Variants in COBL observed in about 807,000 individuals in gnomAD.
The protein encoded by COBL is cordon-bleu WH2 repeat protein, also known as protein cordon-bleu.
COBL carries 51 observed loss-of-function variants against 98.8 expected under a neutral mutation model. That is an observed-to-expected ratio of 0.52 (90% CI 0.41 to 0.65). The LOEUF is 0.65. Ranked by LOEUF, COBL falls within the 30% of genes least tolerant of loss-of-function variation. COBL has a pLI of 0.00. For missense variants in COBL, 1,617 were observed against 1,617.5 expected (o/e 1.00, Z 0.01); for synonymous variants, 634 against 651.7 (o/e 0.97, Z 0.41).
intron 1 of COBL, among the ~76,000 whole-genome samples, chr7:51,228,434 C>T (rs571781474): frequency 2.0e-5 from 3 of 151,310 alleles, no homozygotes; most frequent in South Asian, 4.2e-4. Flanking sequence ...CTTGTCTCTG[C>T]GAGGGTAGAG....
intron 2 of COBL, 110 bp from the exon 3 acceptor site, chr7:51,193,699 T>C (rs1385166959): frequency 4.4e-6 from 4 of 906,964 alleles, no homozygotes; most frequent in African/African-American, 3.4e-5. Context: ...GCAAATTAGA[T>C]ATGCTTATGA....
intron 1 of COBL, among the ~76,000 whole-genome samples, chr7:51,276,743 A>C (rs910819614): frequency 6.6e-6 from 1 of 152,186 alleles, no homozygotes; most frequent in Non-Finnish European, 1.5e-5. Flanking sequence ...GTGAGCAGGC[A>C]GGTAAGAAGG....
At chr7:51,035,902 C>T (rs1041498594) in intron 8 of COBL, 6 of 152,132 alleles carry the variant, frequency 3.9e-5, no homozygotes, top group Non-Finnish European at 7.4e-5. Context: ...GTTCTAGAAG[C>T]GGTCTGGAAT....
intron 5 of COBL, among the ~76,000 whole-genome samples, chr7:51,159,800 A>G (rs1462063205): frequency 6.6e-6 from 1 of 152,064 alleles, no homozygotes; most frequent in Admixed American, 6.6e-5. Context: ...ACACTCTGGG[A>G]AAAAAATTCA....
At chr7:51,136,095 T>C in intron 6 of COBL, 63 bp downstream of exon 6, 6 of 1,556,224 alleles carry the variant, frequency 3.9e-6, no homozygotes, top group South Asian at 1.2e-5. Context: ...CCAGGGAGCT[T>C]TGGAACAATC....
intron 5 of COBL, among the ~76,000 whole-genome samples, chr7:51,183,096 A>G (rs1420616899): frequency 6.6e-6 from 1 of 152,188 alleles, no homozygotes. Flanking sequence ...ACCTGGGTAA[A>G]CCACAATTCT....
rs1309277770 is a variant in COBL at position 51,043,495 on chromosome 7, A to C, written c.1294T>G (p.Trp432Gly). Reference sequence around the variant, plus strand: ...CTGCAGTCTTCCTGGTCTGTGGCCCACTTGTCTTTGTATTTCATGCTGTCC... The same window carrying C: ...CTGCAGTCTTCCTGGTCTGTGGCCCCCTTGTCTTTGTATTTCATGCTGTCC... ...QQDSMKYKDK[W>G]ATDQEDCSDQ... Residue 432 changes from tryptophan to glycine, a missense_variant, in exon 8 of 13, where the codon TGG (tryptophan) becomes GGG (glycine). Physicochemically the swap from Trp to Gly is radical, Grantham distance 184. Coordinates refer to ENST00000265136, the MANE Select transcript of COBL (RefSeq NM_015198.5). 2.5e-6 allele frequency: 4 copies of C among 1,614,164 alleles called. No homozygotes were observed. Among genetic ancestry groups the C allele is most frequent in the Non-Finnish European group, 3.4e-6 (4 of 1,180,030 alleles).
At chr7:51,251,167 T>A (rs916420330) in intron 1 of COBL, among the ~76,000 whole-genome samples, 10 of 151,948 alleles carry the variant, frequency 6.6e-5, no homozygotes, top group African/African-American at 2.4e-4. Context: ...AGGACCGGGG[T>A]CGAACCTGCA....
intron 7 of COBL, among the ~76,000 whole-genome samples, chr7:51,069,254 C>A (rs2128921332): frequency 6.6e-6 from 1 of 152,296 alleles, no homozygotes; most frequent in East Asian, 1.9e-4. Context: ...GCCAGAGATA[C>A]AAATATGCTT....
intron 1 of COBL, among the ~76,000 whole-genome samples, chr7:51,283,061 T>G (rs1288840413): frequency 1.3e-5 from 2 of 152,156 alleles, no homozygotes; most frequent in Admixed American, 6.5e-5. Context: ...ATTAACTGCG[T>G]ATATAAGAGA....
chr7:51,140,196 G>C (rs1468935446), intron 5 of COBL, among the ~76,000 whole-genome samples: 4 of 151,936 alleles, frequency 2.6e-5, no homozygotes, highest in African/African-American at 9.7e-5. Flanking sequence ...TCTATCTCAG[G>C]CTTCATGGGA....
intron 4 of COBL, among the ~76,000 whole-genome samples, chr7:51,190,606 T>C (rs1393470222): frequency 6.6e-6 from 1 of 152,148 alleles, no homozygotes. Context: ...TCGTGGAAGT[T>C]TGCAGGGAGA....
chr7:51,279,355 T>C (rs925885264), intron 1 of COBL, among the ~76,000 whole-genome samples: 3 of 152,266 alleles, frequency 2.0e-5, no homozygotes, highest in African/African-American at 4.8e-5. Context: ...ATACTTTCTT[T>C]AATAATTCTG....
intron 1 of COBL, among the ~76,000 whole-genome samples, chr7:51,283,325 GAAT>G (rs1451838024): frequency 6.6e-6 from 1 of 151,676 alleles, no homozygotes; most frequent in Non-Finnish European, 1.5e-5. Context: ...GACAATACAA[GAAT>G]AATAAGGGAA....
intron 6 of COBL, among the ~76,000 whole-genome samples, chr7:51,130,446 G>A (rs949513939): frequency 6.6e-6 from 1 of 152,202 alleles, no homozygotes; most frequent in Non-Finnish European, 1.5e-5. Flanking sequence ...TTCACTCCAG[G>A]AGAAGGACAG....
At chr7:51,222,512 G>A (rs1318320369) in intron 1 of COBL, among the ~76,000 whole-genome samples, 1 of 152,090 alleles carries the variant, frequency 6.6e-6, no homozygotes, top group Non-Finnish European at 1.5e-5. Flanking sequence ...ACAAACTGAA[G>A]ACAATTTGGT....
intron 7 of COBL, among the ~76,000 whole-genome samples, chr7:51,049,299 C>T (rs1053500019): frequency 1.3e-5 from 2 of 152,012 alleles, no homozygotes; most frequent in Non-Finnish European, 2.9e-5. Flanking sequence ...GAAAGTGCAC[C>T]CCAGTGAGTT....
chr7:51,207,447 C>T (rs1791853137), intron 2 of COBL, among the ~76,000 whole-genome samples: 1 of 152,188 alleles, frequency 6.6e-6, no homozygotes. Flanking sequence ...GTCTCCCTCT[C>T]CCTCTCTTTC....
In COBL at chr7:51,062,397, C is replaced by T. The variant is rs571199264; in HGVS notation, c.1097-18705G>A. 4.5e-3 allele frequency among the ~76,000 whole-genome samples: 563 copies of T among 123,770 alleles called. 5 individuals are homozygous for T. The highest frequency in any genetic ancestry group is 0.013 in the African/African-American group (535 of 40,742). 81.2% of individuals were successfully genotyped at this position (123,770 alleles called of 152,430 possible). ...CCATAATCCCAAGCTCTGGGTCAGCCCCTGAGTCACAGCATGACTTCAGGG... is the reference window on the plus strand; with the variant it reads ...CCATAATCCCAAGCTCTGGGTCAGCTCCTGAGTCACAGCATGACTTCAGGG... On this transcript the variant is annotated intron_variant, in intron 7 of 12. Coordinates refer to ENST00000265136, the MANE Select transcript of COBL (RefSeq NM_015198.5).
Sources: allele counts gnomAD v4.1 joint callset (sites outside exome capture counted in the v4.1 genomes callset), GRCh38; gene constraint gnomAD v4.1.1; transcripts MANE v1.5; gene names NCBI Gene and HGNC (gene_info 2026-07-23, HGNC 2026-07-21).